The following DIAPH2 variants were observed in gnomAD, a reference collection of about 807,000 sequenced individuals.
The protein encoded by DIAPH2 is protein diaphanous homolog 2.
In DIAPH2, 35 loss-of-function variants were observed where a neutral mutation model predicts 92.7. That is an observed-to-expected ratio of 0.38 (90% CI 0.29 to 0.50). The LOEUF is 0.50. Ranked by LOEUF, DIAPH2 falls within the 20% of genes least tolerant of loss-of-function variation. DIAPH2 has a pLI of 0.94. For synonymous variants in DIAPH2, 301 were observed against 280.4 expected (o/e 1.07, Z -0.73); for missense variants, 701 against 819.5 (o/e 0.86, Z 1.77).
At chrX:97,365,523 G>A (rs2069371733) in intron 24 of DIAPH2, among the ~76,000 whole-genome samples, 1 of 110,611 alleles carries the variant, frequency 9.0e-6, no homozygotes, top group African/African-American at 3.3e-5. Context: ...ACAGTCACAC[G>A]CACAGTCTCC....
At chrX:96,714,132 C>T (rs2063935344) in intron 1 of DIAPH2, among the ~76,000 whole-genome samples, 1 of 111,003 alleles carries the variant, frequency 9.0e-6, no homozygotes, top group South Asian at 3.8e-4. Flanking sequence ...TCTAATTAGA[C>T]TATACTCTTC....
At chrX:97,289,991 C>G (rs1429147395) in intron 23 of DIAPH2, among the ~76,000 whole-genome samples, 2 of 108,851 alleles carry the variant, frequency 1.8e-5, no homozygotes, top group Non-Finnish European at 3.8e-5. Context: ...GGATTACAGG[C>G]ATGAGCCACC....
chrX:96,868,097 C>A (rs1426633970), intron 4 of DIAPH2, among the ~76,000 whole-genome samples: 1 of 111,955 alleles, frequency 8.9e-6, no homozygotes, highest in Non-Finnish European at 1.9e-5. Context: ...GTAGGATAAC[C>A]CAACTGTGCC....
chrX:96,967,120 C>A (rs1048854665), intron 17 of DIAPH2, among the ~76,000 whole-genome samples: 1 of 111,214 alleles, frequency 9.0e-6, no homozygotes, highest in Non-Finnish European at 1.9e-5. Context: ...AGGTTTGGGA[C>A]GCAAATGATC....
At chrX:97,242,450 G>C (rs1340551088) in intron 22 of DIAPH2, among the ~76,000 whole-genome samples, 1 of 109,101 alleles carries the variant, frequency 9.2e-6, no homozygotes, top group Admixed American at 9.8e-5. Context: ...TGCAACCTCT[G>C]TCTCCCAAGT....
At chrX:97,084,217 TATGAATGGGAGAAAG>T (rs2066767651) in intron 19 of DIAPH2, among the ~76,000 whole-genome samples, 1 of 111,091 alleles carries the variant, frequency 9.0e-6, no homozygotes, top group African/African-American at 3.3e-5. Context: ...TCACCAGCCA[TATGAATGGGAGAAAG>T]TTACCTAACC....
At chrX:97,498,048 G>C (rs1223330219) in intron 26 of DIAPH2, among the ~76,000 whole-genome samples, 1 of 111,567 alleles carries the variant, frequency 9.0e-6, no homozygotes, top group East Asian at 2.8e-4. Flanking sequence ...GGCTCTGGAA[G>C]TCTGACAGCA....
At chrX:97,063,379 A>G (rs2066613503) in intron 17 of DIAPH2, among the ~76,000 whole-genome samples, 1 of 112,199 alleles carries the variant, frequency 8.9e-6, no homozygotes, top group African/African-American at 3.2e-5. Context: ...TCTTCATTTT[A>G]TTATAAACCA....
At chrX:97,418,696 G>A (rs867920808) in intron 25 of DIAPH2, among the ~76,000 whole-genome samples, 1 of 111,879 alleles carries the variant, frequency 8.9e-6, no homozygotes, top group African/African-American at 3.3e-5. Flanking sequence ...AAGGAGCTAG[G>A]TCTTTTGTAG....
chrX:97,162,341 C>T (rs1372771315), intron 22 of DIAPH2, among the ~76,000 whole-genome samples: 3 of 111,665 alleles, frequency 2.7e-5, no homozygotes, highest in African/African-American at 9.8e-5. Context: ...ACAATTTCTT[C>T]ATTGTCAAAA....
At chrX:97,120,220 T>C (rs1304884689) in intron 21 of DIAPH2, among the ~76,000 whole-genome samples, 2 of 111,018 alleles carry the variant, frequency 1.8e-5, no homozygotes, top group African/African-American at 6.6e-5. Flanking sequence ...GGGCCTTTCC[T>C]GCTGCTTCCT....
Position 96,955,889 on chromosome X carries a change from C to T in DIAPH2, c.1615-1939C>T, listed in dbSNP as rs192800650. ...ACAAGTTGGTGTTGCGTGTTTGTGG[C>T]TTTTCCAGGTGCATGGTGCAAGCCA... On this transcript the variant is annotated intron_variant, in intron 15 of 26. Coordinates refer to ENST00000324765, the MANE Select transcript of DIAPH2 (RefSeq NM_006729.5). Among the ~76,000 whole-genome samples the T allele has an allele frequency of 6.2e-5, 7 of 112,562 alleles. No homozygotes were observed. In the Admixed American group the frequency reaches 6.5e-4, roughly 10 times the overall value.
intron 4 of DIAPH2, among the ~76,000 whole-genome samples, chrX:96,759,473 G>A (rs758416912): frequency 8.9e-6 from 1 of 111,755 alleles, no homozygotes; most frequent in Admixed American, 9.5e-5. Context: ...CATGAGCGTC[G>A]TTTTCAATAG....
intron 19 of DIAPH2, among the ~76,000 whole-genome samples, chrX:97,079,622 T>G (rs1294240796): frequency 1.8e-5 from 2 of 111,114 alleles, no homozygotes; most frequent in Non-Finnish European, 3.8e-5. Context: ...TTGGAGTCAT[T>G]TACAAAGAAG....
intron 22 of DIAPH2, among the ~76,000 whole-genome samples, chrX:97,204,441 A>G (rs1450116226): frequency 1.8e-5 from 2 of 111,412 alleles, no homozygotes; most frequent in Non-Finnish European, 1.9e-5. Context: ...CAGCCCCAAA[A>G]CTCCTTAAGC....
At chrX:97,093,758 G>T (rs2066845090) in intron 19 of DIAPH2, among the ~76,000 whole-genome samples, 1 of 111,552 alleles carries the variant, frequency 9.0e-6, no homozygotes, top group African/African-American at 3.3e-5. Flanking sequence ...GACATTAGTG[G>T]GAGTAGAATT....
At chrX:97,083,413 A>G (rs2066761025) in intron 19 of DIAPH2, among the ~76,000 whole-genome samples, 1 of 112,366 alleles carries the variant, frequency 8.9e-6, no homozygotes, top group African/African-American at 3.2e-5. Flanking sequence ...ACAATGAATA[A>G]ATTTAAAAGT....
intron 22 of DIAPH2, among the ~76,000 whole-genome samples, chrX:97,176,589 G>A (rs181783289): frequency 1.8e-5 from 2 of 110,894 alleles, no homozygotes; most frequent in Admixed American, 9.7e-5. Flanking sequence ...GTGCAGTGGC[G>A]AGATCTCGGC....
chrX:97,441,555 C>T (rs950137133), intron 26 of DIAPH2, among the ~76,000 whole-genome samples: 8 of 111,682 alleles, frequency 7.2e-5, no homozygotes, highest in African/African-American at 2.3e-4. Context: ...CAGTGGCTCA[C>T]GCCTGTAATC....
Sources: allele counts gnomAD v4.1 joint callset (sites outside exome capture counted in the v4.1 genomes callset), GRCh38; gene constraint gnomAD v4.1.1; transcripts MANE v1.5; gene names NCBI Gene and HGNC (gene_info 2026-07-23, HGNC 2026-07-21).